The following ATP8B4 variants were observed in gnomAD, a reference collection of about 807,000 sequenced individuals.
The protein encoded by ATP8B4 is probable phospholipid-transporting ATPase IM.
Under a neutral mutation model 145.6 loss-of-function variants are expected in ATP8B4, and 133 were observed. The observed-to-expected ratio is 0.91, with a 90% CI of 0.79 to 1.05. The LOEUF is 1.05. Among genes scored for constraint, ATP8B4 ranks in the 50% least tolerant of loss-of-function variants. The pLI is 0.00. For missense variants in ATP8B4, 1,458 were observed against 1,425.2 expected, an observed-to-expected ratio of 1.02 and a Z score of -0.37; for synonymous variants, 507 against 492.9, an observed-to-expected ratio of 1.03 and a Z score of -0.38.
intron 20 of ATP8B4, among the ~76,000 whole-genome samples, chr15:49,911,544 A>G (rs572818407): frequency 6.6e-6 from 1 of 152,160 alleles, no homozygotes; most frequent in Non-Finnish European, 1.5e-5. Context: ...TAAAGCAGAT[A>G]TCATTAGATC....
intron 3 of ATP8B4, among the ~76,000 whole-genome samples, chr15:50,069,812 G>A (rs2053611423): frequency 6.6e-6 from 1 of 152,118 alleles, no homozygotes; most frequent in Admixed American, 6.5e-5. Flanking sequence ...TTCCAGCTTT[G>A]TTACCTTTTA....
intron 1 of ATP8B4, among the ~76,000 whole-genome samples, chr15:50,140,285 A>T (rs6493406): frequency 6.6e-6 from 1 of 152,168 alleles, no homozygotes; most frequent in African/African-American, 2.4e-5. Flanking sequence ...AGTTTCCAAG[A>T]AGCAAAGCCT....
chr15:49,992,346 A>G (rs1463322104), intron 9 of ATP8B4, among the ~76,000 whole-genome samples: 1 of 152,176 alleles, frequency 6.6e-6, no homozygotes. Flanking sequence ...TAAGCTCTAT[A>G]AAAGTAAGGC....
At chr15:50,010,754 T>C (rs1294411409) in intron 7 of ATP8B4, 91 bp downstream of exon 7, 12 of 784,028 alleles carry the variant, frequency 1.5e-5, no homozygotes, top group African/African-American at 7.4e-5. Flanking sequence ...TCTGGATTAG[T>C]AAGGATTTAC....
At chr15:49,943,995 TCAACTTA>T in intron 14 of ATP8B4, among the ~76,000 whole-genome samples, 1 of 152,140 alleles carries the variant, frequency 6.6e-6, no homozygotes, top group African/African-American at 2.4e-5. Flanking sequence ...TAACTTGTTA[TCAACTTA>T]AACTATCATA....
chr15:50,027,474 A>C (rs2050100190), intron 6 of ATP8B4, among the ~76,000 whole-genome samples: 1 of 152,134 alleles, frequency 6.6e-6, no homozygotes, highest in Non-Finnish European at 1.5e-5. Flanking sequence ...TCCCTGAGGA[A>C]GCCCTAGTAC....
At chr15:49,886,324 T>G (rs2036183966) in intron 23 of ATP8B4, among the ~76,000 whole-genome samples, 1 of 151,960 alleles carries the variant, frequency 6.6e-6, no homozygotes, top group East Asian at 1.9e-4. Context: ...CTGTGAGCAT[T>G]CAATGAAATG....
intron 14 of ATP8B4, among the ~76,000 whole-genome samples, chr15:49,958,226 T>C (rs1314529634): frequency 6.6e-6 from 1 of 151,422 alleles, no homozygotes; most frequent in Non-Finnish European, 1.5e-5. Flanking sequence ...AAAATTAAAA[T>C]ACTTTAATAA....
chr15:50,004,400 G>C (rs2048151232), intron 7 of ATP8B4, among the ~76,000 whole-genome samples: 3 of 152,192 alleles, frequency 2.0e-5, no homozygotes, highest in Admixed American at 2.0e-4. Context: ...CAGAAGTGCT[G>C]TGCCAGGAGT....
intron 12 of ATP8B4, among the ~76,000 whole-genome samples, chr15:49,974,633 T>C (rs974381784): frequency 1.6e-4 from 24 of 152,230 alleles, no homozygotes; most frequent in African/African-American, 5.5e-4. Context: ...TGTTTAGATA[T>C]GTCTTCTCTA....
intron 16 of ATP8B4, among the ~76,000 whole-genome samples, chr15:49,928,522 T>A (rs2040942953): frequency 6.6e-6 from 1 of 152,096 alleles, no homozygotes; most frequent in Non-Finnish European, 1.5e-5. Context: ...GACTTTTTCT[T>A]TTAAGGTTTG....
chr15:49,897,270 A>AC (rs778400579), intron 23 of ATP8B4, 22 bp downstream of exon 23: 23 of 1,569,846 alleles, frequency 1.5e-5, no homozygotes, highest in Admixed American at 1.0e-4. Context: ...AAACAAACAA[A>AC]AAAAAACATG....
intron 3 of ATP8B4, among the ~76,000 whole-genome samples, chr15:50,056,693 G>C (rs1027988288): frequency 2.1e-5 from 3 of 140,608 alleles, no homozygotes; most frequent in Admixed American, 7.0e-5. Context: ...ATATGTATAT[G>C]TATATGTGTA....
Position 49,894,709 on chromosome 15 carries a change from C to T in ATP8B4, c.2697+2583G>A, listed in dbSNP as rs111682151. Among the ~76,000 whole-genome samples the T allele has an allele frequency of 2.6e-3, 394 of 152,288 alleles. 1 individual carries two copies. The highest frequency in any genetic ancestry group is 9.2e-3 in the African/African-American group (383 of 41,550). ...TTGCCACAGTGGTGATCAGGCTGCA[C>T]ACGTTTAAACAGACCAGATCCAGAG... On this transcript the variant is annotated intron_variant, in intron 23 of 27. Coordinates refer to ENST00000284509, the MANE Select transcript of ATP8B4 (RefSeq NM_024837.4).
chr15:50,149,581 G>A (rs964283348), intron 1 of ATP8B4, among the ~76,000 whole-genome samples: 5 of 152,074 alleles, frequency 3.3e-5, no homozygotes, highest in African/African-American at 9.7e-5. Context: ...TGATAATGAT[G>A]ATAATATGCT....
intron 2 of ATP8B4, among the ~76,000 whole-genome samples, chr15:50,087,280 GAAT>G (rs1245955785): frequency 1.6e-5 from 2 of 124,530 alleles, no homozygotes. Context: ...ATATATAATA[GAAT>G]AATATATAGA....
At chr15:50,129,961 A>AG (rs2057334587) in intron 1 of ATP8B4, among the ~76,000 whole-genome samples, 6 of 151,182 alleles carry the variant, frequency 4.0e-5, no homozygotes, top group Non-Finnish European at 7.4e-5. Flanking sequence ...AAAAAAAAAA[A>AG]AAAAAAAAGA....
At chr15:50,114,795 G>A (rs527748238) in intron 1 of ATP8B4, among the ~76,000 whole-genome samples, 1 of 152,288 alleles carries the variant, frequency 6.6e-6, no homozygotes, top group East Asian at 1.9e-4. Context: ...AAGGGAAAGC[G>A]ATGATTATTT....
chr15:50,114,525 G>A (rs2057105135), intron 1 of ATP8B4: 2 of 152,004 alleles, frequency 1.3e-5, no homozygotes, highest in Non-Finnish European at 2.9e-5. Flanking sequence ...TCCTCATCCT[G>A]TCCCTCTTCT....
Sources: gnomAD v4.1 joint callset for allele counts (sites outside exome capture counted in the v4.1 genomes callset) on GRCh38, gnomAD v4.1.1 for gene constraint, MANE v1.5 for transcripts, NCBI Gene and HGNC (gene_info 2026-07-23, HGNC 2026-07-21) for gene names.